The following NLGN1 variants were observed in gnomAD, a reference collection of about 807,000 sequenced individuals.
NLGN1 encodes the protein neuroligin-1.
Under a neutral mutation model 65.5 loss-of-function variants are expected in NLGN1, and 12 were observed. The ratio of observed to expected loss-of-function variants is 0.18; its 90% confidence interval spans 0.12 to 0.30. The LOEUF (loss-of-function observed/expected upper bound fraction) is 0.30. Ranked by LOEUF, NLGN1 falls within the 10% of genes least tolerant of loss-of-function variation. The probability of loss-of-function intolerance (pLI) is 1.00; values close to 1 mark genes in which losing one functional copy is unlikely to be tolerated. For missense variants in NLGN1, 750 were observed against 1,007.1 expected, an observed-to-expected ratio of 0.74 and a Z score of 3.46; for synonymous variants, 350 against 359.5, an observed-to-expected ratio of 0.97 and a Z score of 0.30.
intron 4 of NLGN1, among the ~76,000 whole-genome samples, chr3:174,046,846 T>G (rs1445035072): frequency 6.6e-6 from 1 of 152,094 alleles, no homozygotes; most frequent in Non-Finnish European, 1.5e-5. Context: ...TAGTGCTATG[T>G]CATTCATCCA....
At chr3:173,989,458 CT>C (rs1413140943) in intron 4 of NLGN1, among the ~76,000 whole-genome samples, 38 of 152,092 alleles carry the variant, frequency 2.5e-4, no homozygotes, top group Non-Finnish European at 4.9e-4. Context: ...GTTTCTTTTT[CT>C]ATACTTCCAT....
intron 3 of NLGN1, among the ~76,000 whole-genome samples, chr3:173,736,905 T>C (rs969499572): frequency 2.0e-5 from 3 of 152,064 alleles, no homozygotes; most frequent in Non-Finnish European, 2.9e-5. Flanking sequence ...ATGAGCAATA[T>C]TGGTGCAGAT....
intron 4 of NLGN1, among the ~76,000 whole-genome samples, chr3:174,249,187 A>G (rs73882734): frequency 0.12 from 18,282 of 152,122 alleles, 1,888 homozygotes; most frequent in African/African-American, 0.27. Context: ...CATCTTTTCT[A>G]TGATGTCACT....
intron 3 of NLGN1, among the ~76,000 whole-genome samples, chr3:173,740,293 A>G (rs1000264471): frequency 6.6e-6 from 1 of 152,140 alleles, no homozygotes; most frequent in African/African-American, 2.4e-5. Context: ...ATTTTGTGCT[A>G]TATTAAGTCA....
At chr3:173,758,400 A>T (rs1215772859) in intron 3 of NLGN1, among the ~76,000 whole-genome samples, 1 of 151,990 alleles carries the variant, frequency 6.6e-6, no homozygotes, top group Non-Finnish European at 1.5e-5. Flanking sequence ...TTTTTTAAAA[A>T]TTTTCTTGAA....
intron 4 of NLGN1, among the ~76,000 whole-genome samples, chr3:173,892,615 A>T (rs546138108): frequency 6.6e-6 from 1 of 152,166 alleles, no homozygotes; most frequent in African/African-American, 2.4e-5. Flanking sequence ...ATGAGGAATA[A>T]GAGATTATAT....
At chr3:173,543,609 A>G (rs1434813293) in intron 2 of NLGN1, among the ~76,000 whole-genome samples, 1 of 152,172 alleles carries the variant, frequency 6.6e-6, no homozygotes, top group Non-Finnish European at 1.5e-5. Flanking sequence ...GAGCTTGAAT[A>G]AAGCCAGATA....
chr3:173,412,915 T>C (rs1712893985), intron 1 of NLGN1, among the ~76,000 whole-genome samples: 1 of 152,176 alleles, frequency 6.6e-6, no homozygotes, highest in African/African-American at 2.4e-5. Context: ...AACAAATGCT[T>C]TCTTAGGTCG....
chr3:173,978,221 A>T (rs1424993788), intron 4 of NLGN1, among the ~76,000 whole-genome samples: 2 of 152,122 alleles, frequency 1.3e-5, no homozygotes, highest in African/African-American at 4.8e-5. Flanking sequence ...ACTAAGGACC[A>T]AATGTCTCTT....
At position 173,498,882 on chromosome 3, in the gene NLGN1, C is replaced by T. The variant is rs550630638; in HGVS notation, c.-321+63804C>T. ...GAGAAGTGTCTGTTCATATCCTTCG[C>T]CCACTTTTTGATGGGGTTGTTTGTT... On this transcript the variant is annotated intron_variant, in intron 2 of 6. Transcript: ENST00000457714. 4.3e-3 allele frequency among the ~76,000 whole-genome samples: 649 copies of T among 151,860 alleles called. 7 individuals carry two copies. The highest frequency in any genetic ancestry group is 6.6e-3 in the Non-Finnish European group (451 of 68,028).
chr3:174,024,912 C>T (rs1316642675), intron 4 of NLGN1, among the ~76,000 whole-genome samples: 1 of 152,154 alleles, frequency 6.6e-6, no homozygotes, highest in African/African-American at 2.4e-5. Flanking sequence ...TCAGTTTTAT[C>T]AGCATTTAAT....
intron 4 of NLGN1, among the ~76,000 whole-genome samples, chr3:174,224,944 TAGG>T (rs1328398952): frequency 1.3e-5 from 2 of 152,146 alleles, no homozygotes; most frequent in African/African-American, 4.8e-5. Context: ...AGAAGCTTGT[TAGG>T]AGTTTAGTCC....
At chr3:173,631,797 C>A (rs988069419) in intron 3 of NLGN1, among the ~76,000 whole-genome samples, 2 of 152,044 alleles carry the variant, frequency 1.3e-5, no homozygotes, top group African/African-American at 4.8e-5. Context: ...CATTATTTTT[C>A]ATGCATTATT....
At chr3:173,918,563 G>A (rs533976020) in intron 4 of NLGN1, among the ~76,000 whole-genome samples, 1 of 150,980 alleles carries the variant, frequency 6.6e-6, no homozygotes, top group East Asian at 2.0e-4. Flanking sequence ...AACCTGGGAG[G>A]TGGAGGTTGC....
intron 4 of NLGN1, among the ~76,000 whole-genome samples, chr3:173,906,246 G>A (rs1008100807): frequency 1.2e-4 from 18 of 152,112 alleles, no homozygotes; most frequent in African/African-American, 2.7e-4. Context: ...GCACTGGATC[G>A]TATTGCTCTT....
At chr3:173,837,008 G>A (rs1239704031) in intron 4 of NLGN1, among the ~76,000 whole-genome samples, 1 of 152,026 alleles carries the variant, frequency 6.6e-6, no homozygotes, top group East Asian at 1.9e-4. Flanking sequence ...TATAATATGT[G>A]TTATGAAAAT....
chr3:174,171,287 G>A (rs76907166), intron 4 of NLGN1, among the ~76,000 whole-genome samples: 2,582 of 151,636 alleles, frequency 0.017, 59 homozygotes, highest in African/African-American at 0.053. Context: ...TTGAAAGACC[G>A]AATTTTTATT....
chr3:173,617,230 A>G lies in NLGN1; in HGVS notation c.493+12139A>G, dbSNP rs181228887. Among the ~76,000 whole-genome samples the G allele has an allele frequency of 3.2e-3, 487 of 152,256 alleles. 2 individuals carry two copies. Among genetic ancestry groups the G allele is most frequent in the Non-Finnish European group, 4.4e-3 (298 of 68,020 alleles). Reference sequence around the variant, plus strand: ...ACCCTTTTCCTCCAGTTATTCTTTGATATCTTTGTGGTTATTTTCTTCATT... The same window carrying G: ...ACCCTTTTCCTCCAGTTATTCTTTGGTATCTTTGTGGTTATTTTCTTCATT... On this transcript the variant is annotated intron_variant, in intron 3 of 6. Transcript: ENST00000457714.
intron 4 of NLGN1, among the ~76,000 whole-genome samples, chr3:174,212,410 A>C (rs929402834): frequency 6.6e-6 from 1 of 152,194 alleles, no homozygotes; most frequent in Non-Finnish European, 1.5e-5. Context: ...CAGCCCAGAA[A>C]GGGGCTCCCA....
Sources: gnomAD v4.1 joint callset for allele counts (sites outside exome capture counted in the v4.1 genomes callset) on GRCh38, gnomAD v4.1.1 for gene constraint, MANE v1.5 for transcripts, NCBI Gene and HGNC (gene_info 2026-07-23, HGNC 2026-07-21) for gene names.